SHROOM3: variants seen among roughly 807,000 people sequenced by gnomAD.
SHROOM3 encodes protein Shroom3.
Under a neutral mutation model 138.6 loss-of-function variants are expected in SHROOM3, and 47 were observed. That is an observed-to-expected ratio of 0.34 (90% CI 0.27 to 0.43). The LOEUF is 0.43. Among genes scored for constraint, SHROOM3 ranks in the 20% least tolerant of loss-of-function variants. SHROOM3 has a pLI of 1.00. For missense variants in SHROOM3, 2,491 were observed against 2,596.5 expected (o/e 0.96, Z 0.88); for synonymous variants, 1,062 against 1,063.3 (o/e 1.00, Z 0.02).
At chr4:76,536,924 C>A (rs1041543426) in intron 1 of SHROOM3, among the ~76,000 whole-genome samples, 1 of 152,038 alleles carries the variant, frequency 6.6e-6, no homozygotes, top group Non-Finnish European at 1.5e-5. Flanking sequence ...ACCAGCCTGG[C>A]AAACATGGTG....
At chr4:76,693,376 T>TTTTTTTTG (rs1560593275) in intron 2 of SHROOM3, among the ~76,000 whole-genome samples, 1 of 124,798 alleles carries the variant, frequency 8.0e-6, no homozygotes, top group African/African-American at 3.4e-5. Flanking sequence ...GTTTGTTTTT[T>TTTTTTTTG]TTTTTTTTTT....
chr4:76,452,958 C>T (rs941734291), intron 1 of SHROOM3, among the ~76,000 whole-genome samples: 5 of 152,020 alleles, frequency 3.3e-5, no homozygotes, highest in African/African-American at 1.2e-4. Flanking sequence ...CCTCAGGTGA[C>T]CCACCTGCCT....
intron 1 of SHROOM3, among the ~76,000 whole-genome samples, chr4:76,462,668 C>A (rs1232192929): frequency 6.6e-6 from 1 of 151,208 alleles, no homozygotes; most frequent in Non-Finnish European, 1.5e-5. Context: ...CTTCTTTGTT[C>A]TCTCTCTCCC....
At chr4:76,540,020 G>A (rs140860445) in intron 1 of SHROOM3, among the ~76,000 whole-genome samples, 7 of 152,294 alleles carry the variant, frequency 4.6e-5, no homozygotes, top group South Asian at 2.1e-4. Context: ...GCTAATTTTC[G>A]TATTTTTAGC....
intron 9 of SHROOM3, among the ~76,000 whole-genome samples, chr4:76,765,646 G>T (rs1345292643): frequency 6.6e-6 from 1 of 152,166 alleles, no homozygotes; most frequent in Non-Finnish European, 1.5e-5. Flanking sequence ...TACTGGCGAT[G>T]TGGTCTTGTC....
intron 2 of SHROOM3, among the ~76,000 whole-genome samples, chr4:76,653,378 T>C (rs1274547306): frequency 6.6e-6 from 1 of 151,870 alleles, no homozygotes. Flanking sequence ...GGTAGAAGCA[T>C]AGCACCTTCC....
intron 2 of SHROOM3, among the ~76,000 whole-genome samples, chr4:76,639,161 G>A (rs1289784136): frequency 2.0e-5 from 3 of 152,066 alleles, no homozygotes; most frequent in Non-Finnish European, 1.5e-5. Context: ...CTAGTTATAA[G>A]GGGATGTTCT....
chr4:76,515,395 A>AT (rs1560530485), intron 1 of SHROOM3, among the ~76,000 whole-genome samples: 1 of 151,882 alleles, frequency 6.6e-6, no homozygotes, highest in African/African-American at 2.4e-5. Context: ...GAAAAAAAAA[A>AT]GGAAGGAAGG....
Position 76,599,420 on chromosome 4 carries a change from A to G in SHROOM3, c.323+43657A>G, listed in dbSNP as rs149272718. On this transcript the variant is annotated intron_variant, in intron 2 of 10. Transcript: ENST00000296043. ...GTAGTGGATAATCTGCCCATTCAAG[A>G]TAGGTCAGAGAGTAATGCCCAGCTG... Among the ~76,000 whole-genome samples, 20 of 152,334 alleles carry G rather than the reference A, an allele frequency of 1.3e-4. No homozygotes were observed. The East Asian group carries it at 3.3e-3, about 25-fold the overall frequency.
intron 2 of SHROOM3, among the ~76,000 whole-genome samples, chr4:76,616,117 C>T (rs1056450742): frequency 1.3e-4 from 20 of 152,008 alleles, no homozygotes; most frequent in Non-Finnish European, 2.9e-4. Context: ...ATAAAAAAGG[C>T]CTGGGGTTGG....
At chr4:76,689,221 A>G (rs1719425184) in intron 2 of SHROOM3, among the ~76,000 whole-genome samples, 1 of 152,006 alleles carries the variant, frequency 6.6e-6, no homozygotes. Flanking sequence ...CGGAGGGGCG[A>G]GTGGAGCGCG....
intron 2 of SHROOM3, among the ~76,000 whole-genome samples, chr4:76,605,051 C>G (rs1190290199): frequency 6.6e-6 from 1 of 152,158 alleles, no homozygotes; most frequent in Non-Finnish European, 1.5e-5. Flanking sequence ...AAACATTAAA[C>G]TGATTTGGAT....
At chr4:76,756,405 TTCTC>T (rs11383066) in intron 7 of SHROOM3, 40 bp from the exon 8 acceptor site, 18,375 of 1,477,122 alleles carry the variant, frequency 0.012, 17 homozygotes, top group Middle Eastern at 0.019. Flanking sequence ...CACTCTCTCT[TTCTC>T]TCTCTCTCTT....
At chr4:76,466,511 A>G (rs928511107) in intron 1 of SHROOM3, among the ~76,000 whole-genome samples, 7 of 152,244 alleles carry the variant, frequency 4.6e-5, no homozygotes, top group African/African-American at 1.4e-4. Context: ...TCAGGAACTA[A>G]GAGCAGTGTC....
rs1722402847 is a variant in SHROOM3, at chr4:76,772,647, A to C, written c.5622+1749A>C. On this transcript the variant is annotated intron_variant, in intron 10 of 10. Coordinates refer to ENST00000296043, the MANE Select transcript of SHROOM3 (RefSeq NM_020859.4). The stretch of plus-strand genomic sequence containing the variant: ...ATCTAGAAATAGTCTGATACTACCT[A>C]ACTCAGAAGTGTGTCCTGTCCTCCT... Among the ~76,000 whole-genome samples, 3 of 152,156 alleles carry C rather than the reference A, an allele frequency of 2.0e-5. No homozygotes were observed. In the South Asian group the frequency reaches 6.2e-4, roughly 32 times the overall value.
At chr4:76,545,434 C>A (rs1733193985) in intron 1 of SHROOM3, among the ~76,000 whole-genome samples, 1 of 152,194 alleles carries the variant, frequency 6.6e-6, no homozygotes. Flanking sequence ...TAGGGTGTCA[C>A]TGGGTAACTT....
chr4:76,739,366 G>T lies in SHROOM3; in HGVS notation c.1193G>T (p.Arg398Leu). Residue 398 changes from arginine to leucine, a missense_variant, in exon 5 of 11, where the codon CGT becomes CTT. Physicochemically the swap from Arg to Leu is moderately radical, Grantham distance 102. Coordinates refer to ENST00000296043, the MANE Select transcript of SHROOM3 (RefSeq NM_020859.4). ...RSDSYAAFRH[R>L]ERPSSWSSLD... ...GACAGTTACGCAGCATTTCGGCACC[G>T]TGAGCGGCCCAGCTCCTGGTCTAGC... 1 of 1,614,124 alleles carries T rather than the reference G, an allele frequency of 6.2e-7. No individual in the cohort carries two copies.
Position 76,566,108 on chromosome 4 carries a change from CAAAAAAAA to C in SHROOM3, c.323+10360_323+10367del, listed in dbSNP as rs1170771360. 5.1e-5 allele frequency among the ~76,000 whole-genome samples: 3 copies of C among 59,344 alleles called. No individual in the cohort carries two copies. In the South Asian group the frequency reaches 1.6e-3, roughly 31 times the overall value. The allele number at this position is 59,344 out of a possible 152,430, so 38.9% of individuals were successfully genotyped here. ...TGGGCGACAGAGCAAAACCCTGTCTCAAAAAAAAAAAAAAAAAAAAAATCAAGAAAAAA... is the reference window on the plus strand; with the variant it reads ...TGGGCGACAGAGCAAAACCCTGTCTCAAAAAAAAAAAAAATCAAGAAAAAA... On this transcript the variant is annotated intron_variant, in intron 2 of 10. Transcript: ENST00000296043.
rs573866733 is a variant in SHROOM3, at chr4:76,551,070, A to G, written c.169-4539A>G. Among the ~76,000 whole-genome samples the G allele has an allele frequency of 3.3e-5, 5 of 149,944 alleles. No homozygotes were observed. The East Asian group carries it at 1.1e-3, about 32-fold the overall frequency. ...GCCCAGACTGGAATGAAATGGTGCA[A>G]TCTTGGCTCACTGCAACCTCAACCT... On this transcript the variant is annotated intron_variant, in intron 1 of 10. Coordinates refer to ENST00000296043, the MANE Select transcript of SHROOM3 (RefSeq NM_020859.4).
Sources: allele counts gnomAD v4.1 joint callset (sites outside exome capture counted in the v4.1 genomes callset), GRCh38; gene constraint gnomAD v4.1.1; transcripts MANE v1.5; gene names NCBI Gene and HGNC (gene_info 2026-07-23, HGNC 2026-07-21).